Variants in DYNC2H1 observed in about 807,000 individuals in gnomAD.
DYNC2H1 encodes the protein dynein cytoplasmic 2 heavy chain 1.
In DYNC2H1, 410 loss-of-function variants were observed where a neutral mutation model predicts 570.0. That is an observed-to-expected ratio of 0.72 (90% CI 0.66 to 0.78). The LOEUF is 0.78. Ranked by LOEUF, DYNC2H1 falls within the 30% of genes least tolerant of loss-of-function variation. DYNC2H1 has a pLI of 0.00. For missense variants in DYNC2H1, 4,865 were observed against 5,046.4 expected (o/e 0.96, Z 1.09); for synonymous variants, 1,688 against 1,677.6 (o/e 1.01, Z -0.15).
intron 1 of DYNC2H1, among the ~76,000 whole-genome samples, chr11:103,112,390 G>A (rs749584907): frequency 6.6e-6 from 1 of 152,172 alleles, no homozygotes; most frequent in Non-Finnish European, 1.5e-5. Flanking sequence ...CTGTGATCTG[G>A]TTTATGCTTT....
intron 70 of DYNC2H1, among the ~76,000 whole-genome samples, chr11:103,276,142 G>A (rs149354899): frequency 8.7e-4 from 133 of 152,026 alleles, no homozygotes; most frequent in Admixed American, 1.9e-3. Context: ...ATGGTCACAT[G>A]TTTGTTTTTG....
At chr11:103,426,547 T>C (rs1943679069) in intron 84 of DYNC2H1, among the ~76,000 whole-genome samples, 1 of 152,240 alleles carries the variant, frequency 6.6e-6, no homozygotes, top group African/African-American at 2.4e-5. Flanking sequence ...TATACAAGTT[T>C]AAATACTATT....
In DYNC2H1 at chr11:103,150,374, A is replaced by G. The variant is rs1423428484; in HGVS notation, c.2946+1757A>G. Among the ~76,000 whole-genome samples, 3 of 152,110 alleles carry G rather than the reference A, an allele frequency of 2.0e-5. 1 individual carries two copies. The South Asian group carries it at 6.2e-4, about 32-fold the overall frequency. On this transcript the variant is annotated intron_variant, in intron 20 of 88. Coordinates refer to ENST00000375735, the MANE Select transcript of DYNC2H1 (RefSeq NM_001377.3). ...ACAAGAGATGATGGAAGCTTGTATCATGTAGTGGTAGTGGAGATAGAACTA... is the reference window on the plus strand; with the variant it reads ...ACAAGAGATGATGGAAGCTTGTATCGTGTAGTGGTAGTGGAGATAGAACTA...
At chr11:103,315,837 C>T (rs1471990684) in intron 79 of DYNC2H1, among the ~76,000 whole-genome samples, 2 of 151,866 alleles carry the variant, frequency 1.3e-5, no homozygotes, top group Non-Finnish European at 2.9e-5. Flanking sequence ...TCTTATATTC[C>T]CAGAGCCTGA....
rs937595122 is a variant in DYNC2H1, at chr11:103,325,473, T to C, written c.12039+1483T>C. ...ACCATTTATTGAATAGGAAGTTCTT[T>C]CCCCACTGCTTGTTTTATGGACCTT... On this transcript the variant is annotated intron_variant, in intron 82 of 88. Coordinates refer to ENST00000375735, the MANE Select transcript of DYNC2H1 (RefSeq NM_001377.3). This position sits in a 1 kb window ranked among gnomAD's most constrained non-coding sequence, Gnocchi z 4.8. Among the ~76,000 whole-genome samples the C allele has an allele frequency of 6.6e-6, 1 of 152,244 alleles. No homozygotes were observed. Among genetic ancestry groups the C allele is most frequent in the Middle Eastern group, 3.2e-3 (1 of 316 alleles).
At position 103,222,681 on chromosome 11, in the gene DYNC2H1, T is replaced by G. The variant is rs575070898; in HGVS notation, c.9232-284T>G. Among the ~76,000 whole-genome samples the G allele has an allele frequency of 6.6e-5, 10 of 152,344 alleles. 1 individual carries two copies. In the South Asian group the frequency reaches 2.1e-3, roughly 32 times the overall value. On this transcript the variant is annotated intron_variant, in intron 58 of 88. Transcript: ENST00000375735. ...CTCAAACATTGTTGTGGATGACACATGTATTCATTAGAAATGTGACTAATA... is the reference window on the plus strand; with the variant it reads ...CTCAAACATTGTTGTGGATGACACAGGTATTCATTAGAAATGTGACTAATA...
chr11:103,411,580 T>C, intron 84 of DYNC2H1, among the ~76,000 whole-genome samples: 1 of 152,142 alleles, frequency 6.6e-6, no homozygotes, highest in East Asian at 1.9e-4. Flanking sequence ...TTTTCTATGA[T>C]TATAATATAA....
chr11:103,421,076 T>A (rs1409455393), intron 84 of DYNC2H1, among the ~76,000 whole-genome samples: 2 of 152,036 alleles, frequency 1.3e-5, no homozygotes, highest in Non-Finnish European at 2.9e-5. Context: ...GGGGTTGCAA[T>A]CCTAGTTTCT....
In DYNC2H1 at chr11:103,438,750, A is replaced by T. The variant is rs1031428750; in HGVS notation, c.12456+2718A>T. On this transcript the variant is annotated intron_variant, in intron 85 of 88. Transcript: ENST00000375735. The stretch of plus-strand genomic sequence containing the variant: ...ATAATAAGCAGCTACTTTATTCTAG[A>T]CCCTGTGTGAAGTACTGGAGATATC... 1.1e-4 allele frequency among the ~76,000 whole-genome samples: 16 copies of T among 152,258 alleles called. No individual in the cohort carries two copies. The South Asian group carries it at 2.5e-3, about 24-fold the overall frequency.
At chr11:103,386,468 A>AC (rs201263551) in intron 83 of DYNC2H1, among the ~76,000 whole-genome samples, 15 of 151,966 alleles carry the variant, frequency 9.9e-5, no homozygotes, top group African/African-American at 3.4e-4. Context: ...ACACACACAC[A>AC]AAAGTATTTT....
At chr11:103,398,295 ATAT>A (rs1942478911) in intron 83 of DYNC2H1, among the ~76,000 whole-genome samples, 1 of 152,164 alleles carries the variant, frequency 6.6e-6, no homozygotes, top group South Asian at 2.1e-4. Flanking sequence ...ATTTTTTATA[ATAT>A]TAGACATTTT....
rs949178164 is a variant in DYNC2H1, at chr11:103,325,447, T to C, written c.12039+1457T>C. Among the ~76,000 whole-genome samples, 1 of 152,218 alleles carries C rather than the reference T, an allele frequency of 6.6e-6. No homozygotes were observed. The highest frequency in any genetic ancestry group is 1.5e-5 in the Non-Finnish European group (1 of 68,038). ...TCACATGGCTAGGTAGTTAACCCAGTACCATTTATTGAATAGGAAGTTCTT... is the reference window on the plus strand; with the variant it reads ...TCACATGGCTAGGTAGTTAACCCAGCACCATTTATTGAATAGGAAGTTCTT... On this transcript the variant is annotated intron_variant, in intron 82 of 88. Transcript: ENST00000375735. The surrounding 1 kb of genome is among the most constrained non-coding windows in gnomAD (Gnocchi z 4.8).
chr11:103,311,678 T>C (rs1867593914), intron 78 of DYNC2H1, among the ~76,000 whole-genome samples, 200 bp from the exon 79 acceptor site: 1 of 107,540 alleles, frequency 9.3e-6, no homozygotes, highest in African/African-American at 2.7e-5. Context: ...AATTATTCTG[T>C]ATTTATATTT....
In DYNC2H1 at chr11:103,158,974, G is replaced by A. The variant is rs763571787; in HGVS notation, c.4325G>A (p.Gly1442Asp). 80 of 1,613,242 alleles carry A rather than the reference G, an allele frequency of 5.0e-5. No homozygotes were observed. The highest frequency in any genetic ancestry group is 6.4e-5 in the Non-Finnish European group (75 of 1,179,706). The stretch of plus-strand genomic sequence containing the variant: ...GATGATGACTTATTAGAAATATTGG[G>A]CCAGTCTACCAACCCATCAGTGATT... ...IGDDDLLEIL[G>D]QSTNPSVIQS... is the part of the protein sequence containing the mutation. The change falls in exon 28 of 89, where the codon GGC (glycine) becomes GAC (aspartate). Residue 1442 changes from glycine (G) to aspartate (D), a missense_variant. Coordinates refer to ENST00000375735, the MANE Select transcript of DYNC2H1 (RefSeq NM_001377.3).
intron 21 of DYNC2H1, among the ~76,000 whole-genome samples, chr11:103,152,843 C>T (rs796659498): frequency 6.6e-6 from 1 of 152,136 alleles, no homozygotes; most frequent in African/African-American, 2.4e-5. Context: ...CTTTTAAAGA[C>T]ACAACCTGGA....
chr11:103,245,198 G>T lies in DYNC2H1; in HGVS notation c.9919-53G>T. 7.4e-7 allele frequency: 1 copy of T among 1,358,894 alleles called. No individual in the cohort carries two copies. The highest frequency in any genetic ancestry group is 1.4e-5 in the South Asian group (1 of 69,396). 84.2% of individuals were successfully genotyped at this position (1,358,894 alleles called of 1,614,324 possible). ...GTAGAAAATCAAAGAAAGGATGTTT[G>T]TAAATATTAAAGTAATTAAATAATT... On this transcript the variant is annotated intron_variant, in intron 64 of 88. Transcript: ENST00000375735. This position sits in a 1 kb window ranked among gnomAD's most constrained non-coding sequence, Gnocchi z 4.5.
rs558528835 is a variant in DYNC2H1, at chr11:103,389,096, C to T, written c.12157-10567C>T. On this transcript the variant is annotated intron_variant, in intron 83 of 88. Coordinates refer to ENST00000375735, the MANE Select transcript of DYNC2H1 (RefSeq NM_001377.3). ...GGAATGGTACCAGCTCCTCCTTGTA[C>T]CTCTGGTAGAATTCAGCTGTGAATC... Among the ~76,000 whole-genome samples, 15 of 152,264 alleles carry T rather than the reference C, an allele frequency of 9.9e-5. No homozygotes were observed. In the South Asian group the frequency reaches 2.7e-3, roughly 27 times the overall value.
intron 73 of DYNC2H1, among the ~76,000 whole-genome samples, chr11:103,283,881 T>C (rs558528052): frequency 6.6e-6 from 1 of 152,292 alleles, no homozygotes; most frequent in South Asian, 2.1e-4. Flanking sequence ...TCCTCCATTT[T>C]TTTTTCATTA....
At chr11:103,114,386 A>G (rs959411732) in intron 3 of DYNC2H1, 148 bp downstream of exon 3, 1 of 965,700 alleles carries the variant, frequency 1.0e-6, no homozygotes, top group Non-Finnish European at 1.5e-6. Flanking sequence ...ATTTATGTGG[A>G]TGTAGAGAAG....
Sources: allele counts gnomAD v4.1 joint callset (sites outside exome capture counted in the v4.1 genomes callset), GRCh38; gene constraint gnomAD v4.1.1; non-coding constraint Gnocchi (gnomAD v3.1); transcripts MANE v1.5; gene names NCBI Gene and HGNC (gene_info 2026-07-23, HGNC 2026-07-21).